FNTB: variants seen among roughly 807,000 people sequenced by gnomAD.
FNTB encodes the protein protein farnesyltransferase subunit beta.
FNTB carries 27 observed loss-of-function variants against 59.4 expected under a neutral mutation model. That is an observed-to-expected ratio of 0.45 (90% CI 0.34 to 0.63). FNTB has a LOEUF of 0.63. Ranked by LOEUF, FNTB falls within the 20% of genes least tolerant of loss-of-function variation. FNTB has a pLI of 0.02. For missense variants in FNTB, 449 were observed against 559.6 expected (o/e 0.80, Z 1.99); for synonymous variants, 230 against 220.7 (o/e 1.04, Z -0.37).
At chr14:65,040,947 T>C in intron 8 of FNTB, 28 bp downstream of exon 8, 2 of 1,609,458 alleles carry the variant, frequency 1.2e-6, no homozygotes, top group South Asian at 2.2e-5. Context: ...CATCCCCCTC[T>C]CAGGCCCCAG....
At chr14:64,993,579 A>G (rs948014233) in intron 1 of FNTB, among the ~76,000 whole-genome samples, 1 of 152,212 alleles carries the variant, frequency 6.6e-6, no homozygotes, top group Non-Finnish European at 1.5e-5. Context: ...CTTGCCTTAT[A>G]TTTCATATAT....
intron 4 of FNTB, among the ~76,000 whole-genome samples, chr14:65,024,087 G>A (rs1157518874): frequency 2.0e-5 from 3 of 150,736 alleles, no homozygotes; most frequent in African/African-American, 7.3e-5. Context: ...GGGCGACAGA[G>A]GGACACTCCA....
intron 7 of FNTB, among the ~76,000 whole-genome samples, chr14:65,037,586 C>T (rs1052604384): frequency 2.0e-5 from 3 of 148,616 alleles, no homozygotes; most frequent in African/African-American, 4.9e-5. Context: ...ATCCACCATC[C>T]GCTAATTTTT....
At chr14:65,048,308 G>C (rs776872457) in intron 9 of FNTB, among the ~76,000 whole-genome samples, 5 of 148,528 alleles carry the variant, frequency 3.4e-5, no homozygotes, top group Non-Finnish European at 5.9e-5. Context: ...CTATCCTTCT[G>C]TATTATACTG....
chr14:65,035,435 A>C (rs2062166576), intron 7 of FNTB, among the ~76,000 whole-genome samples: 1 of 152,134 alleles, frequency 6.6e-6, no homozygotes, highest in Non-Finnish European at 1.5e-5. Flanking sequence ...CTGGTTAGGC[A>C]CAGACTAGAT....
At chr14:65,006,573 G>C (rs2061595352) in intron 2 of FNTB, among the ~76,000 whole-genome samples, 1 of 152,170 alleles carries the variant, frequency 6.6e-6, no homozygotes, top group African/African-American at 2.4e-5. Context: ...GTGAGGGTGT[G>C]GGTGATTGCT....
chr14:65,008,425 C>G (rs976808823), intron 2 of FNTB, among the ~76,000 whole-genome samples: 4 of 152,374 alleles, frequency 2.6e-5, no homozygotes, highest in African/African-American at 7.2e-5. Flanking sequence ...GTGAGCAAGG[C>G]TAGCCCTGGG....
rs1014735911 is a variant in FNTB at position 65,030,819 on chromosome 14, T to G, written c.606-1791T>G. On this transcript the variant is annotated intron_variant, in intron 6 of 11. Transcript: ENST00000246166. This position sits in a 1 kb window ranked among gnomAD's most constrained non-coding sequence, Gnocchi z 4.5. ...CTTAGGAATATACTTTTTGTTTGTT[T>G]TGTTTTGAGATGGAGTTTCTTTCTG... 6.6e-6 allele frequency among the ~76,000 whole-genome samples: 1 copy of G among 152,124 alleles called. No homozygotes were observed. Among genetic ancestry groups the G allele is most frequent in the Non-Finnish European group, 1.5e-5 (1 of 68,016 alleles).
Position 65,007,537 on chromosome 14 carries a change from A to G in FNTB, c.209+3224A>G, listed in dbSNP as rs556695895. On this transcript the variant is annotated intron_variant, in intron 2 of 11. Coordinates refer to ENST00000246166, the MANE Select transcript of FNTB (RefSeq NM_002028.4). This position sits in a 1 kb window ranked among gnomAD's most constrained non-coding sequence, Gnocchi z 4.9. The stretch of plus-strand genomic sequence containing the variant: ...AGACTGGGCTGAAAGTCAAGCCTGG[A>G]GCTGAATGTCAGTACATTCTATACT... Among the ~76,000 whole-genome samples the G allele has an allele frequency of 3.9e-5, 6 of 152,366 alleles. No homozygotes were observed. In the South Asian group the frequency reaches 1.2e-3, roughly 32 times the overall value.
In FNTB at chr14:65,037,402, CCTTTTTTTTTTTTTTTTTTTTTTT is replaced by C. The variant is rs1336579724; in HGVS notation, c.693-3387_693-3364del. Among the ~76,000 whole-genome samples, 53 of 14,534 alleles carry C rather than the reference CCTTTTTTTTTTTTTTTTTTTTTTT, an allele frequency of 3.6e-3. 1 individual carries two copies. The highest frequency in any genetic ancestry group is 3.7e-3 in the Non-Finnish European group (27 of 7,200). The allele number at this position is 14,534 out of a possible 152,430, so 9.5% of individuals were successfully genotyped here. A position where few individuals can be genotyped will look rare whatever the true frequency, so the allele number is the denominator to read the frequency against. On this transcript the variant is annotated intron_variant, in intron 7 of 11. Transcript: ENST00000246166. ...ATAGGCGTGAGCCACCACGCCGGGC[CCTTTTTTTTTTTTTTTTTTTTTTT>C]TTTTTTTTTTTTTTTTTTTTGAGAC...
intron 7 of FNTB, among the ~76,000 whole-genome samples, chr14:65,037,402 CCTTTTTT>C (rs2062220391): frequency 0.025 from 365 of 14,486 alleles, 103 homozygotes; most frequent in South Asian, 0.037. Flanking sequence ...CACGCCGGGC[CCTTTTTT>C]TTTTTTTTTT....
chr14:65,010,375 C>A (rs937774475), intron 2 of FNTB, among the ~76,000 whole-genome samples: 1 of 152,186 alleles, frequency 6.6e-6, no homozygotes, highest in African/African-American at 2.4e-5. Context: ...TGTGTGTAAC[C>A]TGAATCCCTC....
At chr14:65,024,532 A>G (rs944560969) in intron 4 of FNTB, among the ~76,000 whole-genome samples, 20 of 152,230 alleles carry the variant, frequency 1.3e-4, no homozygotes, top group African/African-American at 4.1e-4. Flanking sequence ...TTGAAGATCC[A>G]TGATATAGAA....
At chr14:65,051,881 G>A (rs923271341) in intron 9 of FNTB, among the ~76,000 whole-genome samples, 3 of 149,710 alleles carry the variant, frequency 2.0e-5, no homozygotes, top group Non-Finnish European at 3.0e-5. Context: ...TGCAAACTCC[G>A]CCTCCTGGGT....
chr14:65,051,902 C>G (rs1375644873), intron 9 of FNTB, among the ~76,000 whole-genome samples: 4 of 151,360 alleles, frequency 2.6e-5, no homozygotes, highest in African/African-American at 9.7e-5. Flanking sequence ...TCACGCCATT[C>G]TCCTGCCTCA....
At position 65,030,284 on chromosome 14, in the gene FNTB, T is replaced by G. The variant is rs544416459; in HGVS notation, c.606-2326T>G. Among the ~76,000 whole-genome samples the G allele has an allele frequency of 1.3e-5, 2 of 152,344 alleles. No homozygotes were observed. Among genetic ancestry groups the G allele is most frequent in the Non-Finnish European group, 2.9e-5 (2 of 68,030 alleles). On this transcript the variant is annotated intron_variant, in intron 6 of 11. Coordinates refer to ENST00000246166, the MANE Select transcript of FNTB (RefSeq NM_002028.4). This position sits in a 1 kb window ranked among gnomAD's most constrained non-coding sequence, Gnocchi z 4.5. ...TGATCACATTTGGCATTGGCACTTG[T>G]GACTCTTGTGTGCTCCCAATGCCTG... is the stretch of plus-strand genomic sequence containing the variant.
At chr14:65,025,743 G>T (rs565652784) in intron 4 of FNTB, among the ~76,000 whole-genome samples, 1 of 152,284 alleles carries the variant, frequency 6.6e-6, no homozygotes, top group Admixed American at 6.5e-5. Flanking sequence ...TGAGTCTGGG[G>T]AGGTTGAGGC....
Position 65,031,979 on chromosome 14 carries a change from CGTGTGTGTGTGTGTGT to C in FNTB, c.606-606_606-591del, listed in dbSNP as rs563468928. Among the ~76,000 whole-genome samples, 5 of 141,194 alleles carry C rather than the reference CGTGTGTGTGTGTGTGT, an allele frequency of 3.5e-5. No homozygotes were observed. The highest frequency in any genetic ancestry group is 1.3e-4 in the African/African-American group (5 of 37,786). 92.6% of individuals were successfully genotyped at this position (141,194 alleles called of 152,430 possible). On this transcript the variant is annotated intron_variant, in intron 6 of 11. Transcript: ENST00000246166. This position sits in a 1 kb window ranked among gnomAD's most constrained non-coding sequence, Gnocchi z 4.6. ...ATAGACGTGCGCCTTTTTCATTTAACGTGTGTGTGTGTGTGTGTGTGTGTGTGTGTGTGTGTGTGTA... is the reference window on the plus strand; with the variant it reads ...ATAGACGTGCGCCTTTTTCATTTAACGTGTGTGTGTGTGTGTGTGTGTGTA...
intron 7 of FNTB, among the ~76,000 whole-genome samples, chr14:65,036,333 T>C (rs1479498740): frequency 6.6e-6 from 1 of 150,394 alleles, no homozygotes; most frequent in African/African-American, 2.4e-5. Flanking sequence ...ACCTCCTGGG[T>C]TCAAGTGATC....
Sources: allele counts gnomAD v4.1 joint callset (sites outside exome capture counted in the v4.1 genomes callset), GRCh38; gene constraint gnomAD v4.1.1; non-coding constraint Gnocchi (gnomAD v3.1); transcripts MANE v1.5; gene names NCBI Gene and HGNC (gene_info 2026-07-23, HGNC 2026-07-21).